Variants in FLVCR1 observed in about 807,000 individuals in gnomAD.
FLVCR1 encodes choline/ethanolamine transporter FLVCR1.
In FLVCR1, 34 loss-of-function variants were observed where a neutral mutation model predicts 53.6. The observed-to-expected ratio is 0.63, with a 90% confidence interval of 0.48 to 0.84. The LOEUF is 0.84. FLVCR1 is among the 40% of genes least tolerant of loss of function. The probability of loss-of-function intolerance (pLI) is 0.00; values close to 1 mark genes in which losing one functional copy is unlikely to be tolerated. For missense variants in FLVCR1, 677 were observed against 696.7 expected (o/e 0.97, Z 0.32); for synonymous variants, 300 against 286.3 (o/e 1.05, Z -0.48).
At chr1:212,893,324 G>C (rs1200207285) in intron 8 of FLVCR1, among the ~76,000 whole-genome samples, 6 of 152,020 alleles carry the variant, frequency 3.9e-5, no homozygotes, top group Non-Finnish European at 7.4e-5. Flanking sequence ...CAAAGTGCTG[G>C]GATTACAGGT....
In FLVCR1 at chr1:212,895,002, T is replaced by G. The variant is rs1238178103; in HGVS notation, c.1542T>G (p.Asp514Glu). Reference protein sequence around the residue: ...GIILTALIKSDLRRHNINIGI... With the variant: ...GIILTALIKSELRRHNINIGI... ...CTGTTTCAGCATTAATCAAGTCTGA[T>G]CTGCGAAGACACAACATAAATATAG... Residue 514 changes from aspartate to glutamate, a missense_variant, in exon 9 of 10, where the codon GAT becomes GAG. Physicochemically the swap from Asp to Glu is conservative, Grantham distance 45 (BLOSUM62 2). Transcript: ENST00000366971. The G allele has an allele frequency of 2.5e-6, 4 of 1,604,848 alleles. No individual in the cohort carries two copies. The highest frequency in any genetic ancestry group is 3.4e-6 in the Non-Finnish European group (4 of 1,171,652).
intron 2 of FLVCR1, chr1:212,870,144 C>T (rs1247416598): frequency 6.6e-6 from 1 of 152,134 alleles, no homozygotes; most frequent in African/African-American, 2.4e-5. Flanking sequence ...CAACTTAAAC[C>T]TTTTATGTGT....
At chr1:212,868,225 A>T (rs965305411) in intron 2 of FLVCR1, among the ~76,000 whole-genome samples, 3 of 151,876 alleles carry the variant, frequency 2.0e-5, no homozygotes, top group African/African-American at 7.3e-5. Flanking sequence ...CAGCCCTCTG[A>T]GTAGCTGGGA....
chr1:212,894,779 C>T (rs947508338), intron 8 of FLVCR1, among the ~76,000 whole-genome samples: 2 of 152,178 alleles, frequency 1.3e-5, no homozygotes, highest in Non-Finnish European at 2.9e-5. Flanking sequence ...TGGTTGCTAG[C>T]ATTCCCGTAT....
chr1:212,871,296 A>G lies in FLVCR1; in HGVS notation c.884-1382A>G, dbSNP rs1664588252. On this transcript the variant is annotated intron_variant, in intron 2 of 9. Coordinates refer to ENST00000366971, the MANE Select transcript of FLVCR1 (RefSeq NM_014053.4). ...ACAGTATTTTCCTTCTATTGTAATT[A>G]ACAATTTTGAGAGAGTTTAAAGTTT... 2.0e-5 allele frequency among the ~76,000 whole-genome samples: 3 copies of G among 152,192 alleles called. No homozygotes were observed. In the South Asian group the frequency reaches 6.2e-4, roughly 32 times the overall value.
intron 5 of FLVCR1, among the ~76,000 whole-genome samples, chr1:212,886,551 G>A (rs1258433031): frequency 1.3e-5 from 2 of 152,120 alleles, no homozygotes; most frequent in African/African-American, 4.8e-5. Context: ...TGTAATCCCA[G>A]CATTTTGGGA....
intron 2 of FLVCR1, among the ~76,000 whole-genome samples, chr1:212,868,784 T>A (rs531466718): frequency 6.6e-6 from 1 of 152,364 alleles, no homozygotes; most frequent in South Asian, 2.1e-4. Flanking sequence ...GTCTCTGATT[T>A]TTTTAAATAA....
chr1:212,860,697 T>G (rs1323725019), intron 1 of FLVCR1, among the ~76,000 whole-genome samples: 10 of 152,106 alleles, frequency 6.6e-5, no homozygotes, highest in African/African-American at 2.4e-4. Context: ...TCCCCACCAT[T>G]AGATTGTAAG....
chr1:212,874,546 T>TA (rs1664700820), intron 3 of FLVCR1, among the ~76,000 whole-genome samples: 1 of 89,640 alleles, frequency 1.1e-5, no homozygotes, highest in South Asian at 4.1e-4. Flanking sequence ...TTTTTTTTTT[T>TA]GAGATGGAGT....
intron 3 of FLVCR1, among the ~76,000 whole-genome samples, chr1:212,877,929 A>G (rs556951115): frequency 2.6e-4 from 39 of 152,332 alleles, no homozygotes; most frequent in African/African-American, 8.9e-4. Flanking sequence ...AAGAAAGAAG[A>G]AAAGGTATAC....
chr1:212,860,725 T>C (rs1664210070), intron 1 of FLVCR1, among the ~76,000 whole-genome samples: 1 of 152,212 alleles, frequency 6.6e-6, no homozygotes, highest in Non-Finnish European at 1.5e-5. Flanking sequence ...AAAATAGGAA[T>C]GTGGTCTGAA....
intron 2 of FLVCR1, among the ~76,000 whole-genome samples, chr1:212,871,400 GTGTTTTTTGTT>G (rs1170905814): frequency 6.6e-6 from 1 of 152,014 alleles, no homozygotes; most frequent in Non-Finnish European, 1.5e-5. Flanking sequence ...ATAGTTTTTT[GTGTTTTTTGTT>G]TGTTTTTTAC....
intron 8 of FLVCR1, among the ~76,000 whole-genome samples, chr1:212,889,693 G>A (rs1266442814): frequency 1.3e-5 from 2 of 148,982 alleles, no homozygotes; most frequent in South Asian, 2.1e-4. Context: ...AGGAGACAGA[G>A]GTTGCAGTGA....
rs886045925 is a variant in FLVCR1 at position 212,858,986 on chromosome 1, G to C, written c.534G>C (p.Leu178=). 1 of 1,613,844 alleles carries C rather than the reference G, an allele frequency of 6.2e-7. No homozygotes were observed. The highest frequency in any genetic ancestry group is 8.5e-7 in the Non-Finnish European group (1 of 1,179,792). The change falls in exon 1 of 10, where the codon CTG becomes CTC. Residue 178 remains leucine, a synonymous_variant. Transcript: ENST00000366971. The part of the protein sequence containing the change: ...LDTRGLRLTA[L]LGSGLNCLGA... ...CCAGAGGCCTGCGGCTCACCGCCCT[G>C]CTGGGCTCCGGCCTCAACTGCCTGG... is the stretch of plus-strand genomic sequence containing the variant.
intron 1 of FLVCR1, among the ~76,000 whole-genome samples, chr1:212,859,490 G>A (rs1000726024): frequency 6.6e-6 from 1 of 152,108 alleles, no homozygotes; most frequent in African/African-American, 2.4e-5. Context: ...GGCCGAGGTG[G>A]GTGGATCACT....
At chr1:212,867,551 T>C (rs902609822) in intron 2 of FLVCR1, among the ~76,000 whole-genome samples, 25 of 152,288 alleles carry the variant, frequency 1.6e-4, no homozygotes, top group Admixed American at 1.6e-3. Flanking sequence ...AGATAAAAAA[T>C]AACATTTTAA....
intron 8 of FLVCR1, among the ~76,000 whole-genome samples, chr1:212,893,213 G>A (rs1036787920): frequency 1.1e-4 from 17 of 151,770 alleles, no homozygotes; most frequent in Non-Finnish European, 1.9e-4. Flanking sequence ...CCGCCACCAC[G>A]CCCGGCTAAT....
At chr1:212,867,322 A>T (rs779185287) in intron 2 of FLVCR1, among the ~76,000 whole-genome samples, 22 of 152,170 alleles carry the variant, frequency 1.4e-4, no homozygotes, top group Non-Finnish European at 2.8e-4. Context: ...AGCCTCAAAC[A>T]TTTGGTTTGT....
chr1:212,894,508 C>T (rs1224672954), intron 8 of FLVCR1, among the ~76,000 whole-genome samples: 1 of 152,186 alleles, frequency 6.6e-6, no homozygotes, highest in Non-Finnish European at 1.5e-5. Context: ...CTGAGATATA[C>T]CTGCATTCCC....
Sources: gnomAD v4.1 joint callset for allele counts (sites outside exome capture counted in the v4.1 genomes callset) on GRCh38, gnomAD v4.1.1 for gene constraint, MANE v1.5 for transcripts, NCBI Gene and HGNC (gene_info 2026-07-23, HGNC 2026-07-21) for gene names.